The following CACNA1C variants were observed in gnomAD, a reference collection of about 807,000 sequenced individuals.
The protein encoded by CACNA1C is voltage-dependent L-type calcium channel subunit alpha-1C.
A neutral mutation model predicts 229.0 loss-of-function variants in CACNA1C; 30 were observed. The ratio of observed to expected loss-of-function variants is 0.13; its 90% confidence interval spans 0.10 to 0.18. The LOEUF (loss-of-function observed/expected upper bound fraction) is 0.18. Among genes scored for constraint, CACNA1C ranks in the 10% least tolerant of loss-of-function variants. CACNA1C has a pLI of 1.00. For synonymous variants in CACNA1C, 1,114 were observed against 1,132.5 expected (o/e 0.98, Z 0.33); for missense variants, 1,658 against 2,845.0 (o/e 0.58, Z 9.49).
intron 3 of CACNA1C, among the ~76,000 whole-genome samples, chr12:2,137,149 G>A (rs766610150): frequency 6.6e-5 from 10 of 151,330 alleles, no homozygotes; most frequent in Non-Finnish European, 1.2e-4. Context: ...CACTGGAGAC[G>A]TGGAAACATC....
rs1277770390 is a variant in CACNA1C, at chr12:2,567,669, C to T, written c.1770C>T (p.Arg590=). Residue 590 remains arginine, a synonymous_variant, in exon 13 of 47, where the codon CGC becomes CGT. Coordinates refer to ENST00000399655, the MANE Select transcript of CACNA1C (RefSeq NM_000719.7). ...CCTACTTCGTGTCCCTCTTCAACCGCTTTGACTGCTTCGTCGTGTGTGGCG... is the reference window on the plus strand; with the variant it reads ...CCTACTTCGTGTCCCTCTTCAACCGTTTTGACTGCTTCGTCGTGTGTGGCG... ...LQAYFVSLFN[R]FDCFVVCGGI... is the part of the protein sequence containing the mutation. The T allele has an allele frequency of 3.7e-6, 6 of 1,613,732 alleles. No individual in the cohort carries two copies. The highest frequency in any genetic ancestry group is 5.1e-6 in the Non-Finnish European group (6 of 1,179,816).
At chr12:2,251,036 G>A (rs924703891) in intron 3 of CACNA1C, among the ~76,000 whole-genome samples, 6 of 152,226 alleles carry the variant, frequency 3.9e-5, no homozygotes, top group Non-Finnish European at 7.3e-5. Context: ...CGTTGGCTCA[G>A]CCCGTCTGCA....
At chr12:2,686,351 T>A (rs988024064) in intron 45 of CACNA1C, 82 bp downstream of exon 45, 211 of 1,071,916 alleles carry the variant, frequency 2.0e-4, no homozygotes, top group East Asian at 4.7e-5. Flanking sequence ...TCCTGAAGAC[T>A]TCAGTGGGTC....
At position 2,532,153 on chromosome 12, in the gene CACNA1C, T is replaced by C. The variant is rs113333605; in HGVS notation, c.1391-17790T>C. 9.4e-3 allele frequency among the ~76,000 whole-genome samples: 1,439 copies of C among 152,328 alleles called. 8 individuals are homozygous for C. The highest frequency in any genetic ancestry group is 0.017 in the Non-Finnish European group (1,147 of 68,026). On this transcript the variant is annotated intron_variant, in intron 9 of 46. Coordinates refer to ENST00000399655, the MANE Select transcript of CACNA1C (RefSeq NM_000719.7). ...TGCCTCCTATGTTTCCATGAGGGGT[T>C]GTGCTTTTGAGATCTTTTCCCACCT... is the stretch of plus-strand genomic sequence containing the variant.
intron 3 of CACNA1C, among the ~76,000 whole-genome samples, chr12:2,316,623 T>C (rs2095704818): frequency 6.6e-6 from 1 of 152,226 alleles, no homozygotes; most frequent in Admixed American, 6.5e-5. Context: ...AGCATGTATA[T>C]GGTCACTGAG....
chr12:2,004,580 C>T (rs112034510), intron 1 of CACNA1C: 1 of 1,154,244 alleles, frequency 8.7e-7, no homozygotes, highest in Non-Finnish European at 1.2e-6. Flanking sequence ...CCCTCCTGCC[C>T]GCCGACAGAC....
chr12:2,578,790 C>T (rs969072877), intron 13 of CACNA1C, among the ~76,000 whole-genome samples: 2 of 152,102 alleles, frequency 1.3e-5, no homozygotes, highest in African/African-American at 4.8e-5. Context: ...CCCAGACGCC[C>T]CAGGGGTTGA....
intron 3 of CACNA1C, among the ~76,000 whole-genome samples, chr12:2,195,876 A>T (rs1218368360): frequency 6.6e-6 from 1 of 152,152 alleles, no homozygotes; most frequent in Non-Finnish European, 1.5e-5. Flanking sequence ...CCTTCATTTT[A>T]TGTCAGCATC....
chr12:2,195,884 A>G (rs956545526), intron 3 of CACNA1C, among the ~76,000 whole-genome samples: 2 of 152,176 alleles, frequency 1.3e-5, no homozygotes, highest in South Asian at 2.1e-4. Flanking sequence ...TTATGTCAGC[A>G]TCCCTGGAGA....
chr12:1,991,355 AAC>A (rs1359450710), intron 1 of CACNA1C: 1 of 414,274 alleles, frequency 2.4e-6, no homozygotes, highest in Non-Finnish European at 4.8e-6. Flanking sequence ...AAATATGAAA[AAC>A]AAATTAAAAT....
chr12:2,668,153 C>T (rs1194134657), intron 37 of CACNA1C, among the ~76,000 whole-genome samples: 1 of 152,158 alleles, frequency 6.6e-6, no homozygotes, highest in East Asian at 1.9e-4. Flanking sequence ...ACGAATGCTG[C>T]CTGGCAGGTG....
chr12:2,671,176 G>A (rs757518478), intron 38 of CACNA1C, among the ~76,000 whole-genome samples: 8 of 151,942 alleles, frequency 5.3e-5, no homozygotes, highest in South Asian at 2.1e-4. Flanking sequence ...CACCACGCCC[G>A]GCTAATTTTT....
chr12:2,485,931 A>C (rs984142654), intron 5 of CACNA1C, among the ~76,000 whole-genome samples, 173 bp from the exon 6 acceptor site: 1 of 152,152 alleles, frequency 6.6e-6, no homozygotes, highest in African/African-American at 2.4e-5. Context: ...GCCAACCTGG[A>C]TTTAGACCCC....
chr12:2,681,455 C>T (rs766521448), intron 42 of CACNA1C, among the ~76,000 whole-genome samples: 1 of 152,178 alleles, frequency 6.6e-6, no homozygotes, highest in Non-Finnish European at 1.5e-5. Context: ...CCCTTGTCCC[C>T]GTGTCACAGC....
chr12:2,105,313 A>G (rs1459140211), intron 1 of CACNA1C, among the ~76,000 whole-genome samples: 1 of 152,014 alleles, frequency 6.6e-6, no homozygotes, highest in African/African-American at 2.4e-5. Context: ...TTGAGGGAGT[A>G]CTCGTCAGTT....
chr12:1,984,263 C>G (rs771594140), intron 1 of CACNA1C, among the ~76,000 whole-genome samples: 1 of 151,872 alleles, frequency 6.6e-6, no homozygotes, highest in African/African-American at 2.4e-5. Context: ...GTAGGTCTAC[C>G]GTTTTATTTT....
At chr12:2,293,446 C>G (rs2093707334) in intron 3 of CACNA1C, among the ~76,000 whole-genome samples, 1 of 152,234 alleles carries the variant, frequency 6.6e-6, no homozygotes, top group Non-Finnish European at 1.5e-5. Context: ...ATGAATGCCT[C>G]TAACACCTAG....
At chr12:2,681,907 G>T in intron 42 of CACNA1C, 1 of 1,076,244 alleles carries the variant, frequency 9.3e-7, no homozygotes. Flanking sequence ...AAAGGAAGAG[G>T]CCTTGGTCCA....
intron 7 of CACNA1C, among the ~76,000 whole-genome samples, chr12:2,496,801 G>A (rs1308808842): frequency 1.3e-5 from 2 of 152,208 alleles, no homozygotes; most frequent in Admixed American, 1.3e-4. Context: ...GAATAAGGAA[G>A]GGTGGATACC....
Sources: gnomAD v4.1 joint callset for allele counts (sites outside exome capture counted in the v4.1 genomes callset) on GRCh38, gnomAD v4.1.1 for gene constraint, MANE v1.5 for transcripts, NCBI Gene and HGNC (gene_info 2026-07-23, HGNC 2026-07-21) for gene names.